The following CTNNA3 variants were observed in gnomAD, a reference collection of about 807,000 sequenced individuals.
The protein encoded by CTNNA3 is catenin alpha 3.
In CTNNA3, 76 loss-of-function variants were observed where a neutral mutation model predicts 95.7. That is an observed-to-expected ratio of 0.79 (90% CI 0.66 to 0.96). CTNNA3 has a LOEUF of 0.96. CTNNA3 is among the 40% of genes least tolerant of loss of function. CTNNA3 has a pLI of 0.00. For missense variants in CTNNA3, 1,191 were observed against 1,089.8 expected, an observed-to-expected ratio of 1.09 and a Z score of -1.31; for synonymous variants, 431 against 374.4, an observed-to-expected ratio of 1.15 and a Z score of -1.74.
At chr10:66,270,626 G>A (rs1446598349) in intron 13 of CTNNA3, among the ~76,000 whole-genome samples, 4 of 152,272 alleles carry the variant, frequency 2.6e-5, no homozygotes, top group Middle Eastern at 3.4e-3. Flanking sequence ...CATGACAAAC[G>A]CTACGCAAGC....
intron 7 of CTNNA3, among the ~76,000 whole-genome samples, chr10:67,115,778 A>T (rs1379081831): frequency 2.6e-5 from 4 of 151,882 alleles, no homozygotes; most frequent in African/African-American, 7.2e-5. Context: ...GGGTCTTCAG[A>T]TCCTACAAGC....
intron 5 of CTNNA3, among the ~76,000 whole-genome samples, chr10:67,230,654 A>G (rs1409652100): frequency 6.6e-6 from 1 of 152,234 alleles, no homozygotes; most frequent in Non-Finnish European, 1.5e-5. Flanking sequence ...AATGCTCAAA[A>G]GAAGATATAC....
At chr10:66,876,632 G>A (rs984507705) in intron 7 of CTNNA3, among the ~76,000 whole-genome samples, 6 of 151,952 alleles carry the variant, frequency 3.9e-5, no homozygotes, top group Admixed American at 3.9e-4. Context: ...TGAAATCTGG[G>A]CCTTATTAGA....
intron 7 of CTNNA3, among the ~76,000 whole-genome samples, chr10:67,077,903 C>A (rs1357798914): frequency 6.6e-6 from 1 of 152,012 alleles, no homozygotes; most frequent in African/African-American, 2.4e-5. Flanking sequence ...TCTAGATTAA[C>A]AGAGGAGGAA....
intron 9 of CTNNA3, among the ~76,000 whole-genome samples, chr10:66,677,373 A>G (rs1846896282): frequency 6.7e-6 from 1 of 148,728 alleles, no homozygotes; most frequent in African/African-American, 2.5e-5. Flanking sequence ...AAATGAAATA[A>G]AAAATAATTT....
chr10:66,913,238 CAA>C (rs1161880781), intron 7 of CTNNA3, among the ~76,000 whole-genome samples: 1,631 of 33,246 alleles, frequency 0.049, 5 homozygotes, highest in East Asian at 0.35. Flanking sequence ...GACTCCGTCT[CAA>C]AAAAAAAAAA....
intron 15 of CTNNA3, among the ~76,000 whole-genome samples, chr10:65,995,153 T>C (rs1362966362): frequency 1.3e-5 from 2 of 152,194 alleles, no homozygotes; most frequent in Non-Finnish European, 2.9e-5. Context: ...CATCATTTCA[T>C]TAATTTCTTT....
chr10:66,092,882 T>G (rs998887726), intron 14 of CTNNA3, among the ~76,000 whole-genome samples: 1 of 151,960 alleles, frequency 6.6e-6, no homozygotes, highest in Non-Finnish European at 1.5e-5. Context: ...TAAGAAAATT[T>G]TGACAACGGA....
At chr10:67,592,600 G>A (rs780847568) in intron 3 of CTNNA3, among the ~76,000 whole-genome samples, 3 of 152,118 alleles carry the variant, frequency 2.0e-5, no homozygotes, top group Non-Finnish European at 4.4e-5. Flanking sequence ...TAGCAACAAT[G>A]GAATCCAGAG....
At chr10:67,142,069 A>G (rs1860594336) in intron 7 of CTNNA3, among the ~76,000 whole-genome samples, 1 of 152,164 alleles carries the variant, frequency 6.6e-6, no homozygotes, top group Admixed American at 6.5e-5. Flanking sequence ...TGGAAATGGA[A>G]GATTAATCTT....
chr10:66,651,559 TG>T (rs927988384), intron 9 of CTNNA3, among the ~76,000 whole-genome samples: 2 of 144,310 alleles, frequency 1.4e-5, no homozygotes, highest in African/African-American at 5.1e-5. Context: ...GGAGGGGGGT[TG>T]GGGGGCAGTG....
chr10:66,346,087 A>G (rs2092508077), intron 12 of CTNNA3, among the ~76,000 whole-genome samples: 1 of 150,824 alleles, frequency 6.6e-6, no homozygotes, highest in Non-Finnish European at 1.5e-5. Flanking sequence ...AAAAAAAAAA[A>G]AAAAAAAAAG....
At position 66,048,326 on chromosome 10, in the gene CTNNA3, T is replaced by C. The variant is rs185880838; in HGVS notation, c.2159+20982A>G. Among the ~76,000 whole-genome samples the C allele has an allele frequency of 9.6e-4, 146 of 152,064 alleles. 1 individual carries two copies. The highest frequency in any genetic ancestry group is 3.3e-3 in the African/African-American group (137 of 41,492). On this transcript the variant is annotated intron_variant, in intron 15 of 17. Coordinates refer to ENST00000433211, the MANE Select transcript of CTNNA3 (RefSeq NM_013266.4). The stretch of plus-strand genomic sequence containing the variant: ...GAGAGCCCAGAAATAAAGCTGCACA[T>C]CTACAACCATCTGATCTTTGACAAA...
chr10:66,566,150 C>T (rs897858715), intron 10 of CTNNA3, among the ~76,000 whole-genome samples: 2 of 152,106 alleles, frequency 1.3e-5, no homozygotes, highest in African/African-American at 4.8e-5. Flanking sequence ...GGACTGGTAA[C>T]TAAGAGTAGA....
chr10:67,466,500 T>C (rs1847600319), intron 5 of CTNNA3, among the ~76,000 whole-genome samples: 1 of 152,210 alleles, frequency 6.6e-6, no homozygotes, highest in Admixed American at 6.5e-5. Context: ...TTTAGGATAA[T>C]CAGATATGCA....
At chr10:67,238,424 T>A (rs1354844987) in intron 5 of CTNNA3, among the ~76,000 whole-genome samples, 1 of 151,492 alleles carries the variant, frequency 6.6e-6, no homozygotes, top group Non-Finnish European at 1.5e-5. Context: ...AAGAAGGGTA[T>A]CAGCAAATAC....
At chr10:67,421,632 A>G (rs1845753244) in intron 5 of CTNNA3, among the ~76,000 whole-genome samples, 5 of 152,200 alleles carry the variant, frequency 3.3e-5, no homozygotes, top group Admixed American at 3.3e-4. Flanking sequence ...TTCTTGAACA[A>G]TAAATCTGAA....
In CTNNA3 at chr10:66,359,647, GTTCAC is replaced by G. The variant is rs2092638038; in HGVS notation, c.1732+19500_1732+19504del. ...ACCTCTGTTCTGTTTTGCATTAAAG[GTTCAC>G]ATCTGTCATCCCCCCCAAACATTCA... On this transcript the variant is annotated intron_variant, in intron 12 of 17. Transcript: ENST00000433211. 2.6e-5 allele frequency among the ~76,000 whole-genome samples: 4 copies of G among 152,046 alleles called. No homozygotes were observed. In the South Asian group the frequency reaches 8.3e-4, roughly 32 times the overall value.
chr10:66,349,638 T>G (rs1290124436), intron 12 of CTNNA3, among the ~76,000 whole-genome samples: 3 of 152,140 alleles, frequency 2.0e-5, no homozygotes, highest in Non-Finnish European at 4.4e-5. Flanking sequence ...GAAAATTGAA[T>G]TATCAGGATG....
Sources: allele counts gnomAD v4.1 joint callset (sites outside exome capture counted in the v4.1 genomes callset), GRCh38; gene constraint gnomAD v4.1.1; transcripts MANE v1.5; gene names NCBI Gene and HGNC (gene_info 2026-07-23, HGNC 2026-07-21).